The following ARHGAP32 variants were observed in gnomAD, a reference collection of about 807,000 sequenced individuals.
ARHGAP32 encodes the protein Rho GTPase activating protein 32.
ARHGAP32 carries 51 observed loss-of-function variants against 186.5 expected under a neutral mutation model. The observed-to-expected ratio is 0.27, with a 90% confidence interval of 0.22 to 0.35. The LOEUF is 0.35. ARHGAP32 is among the 10% of genes least tolerant of loss of function. ARHGAP32 has a pLI of 1.00. For synonymous variants in ARHGAP32, 950 were observed against 964.3 expected (o/e 0.99, Z 0.27); for missense variants, 2,186 against 2,623.5 (o/e 0.83, Z 3.64).
chr11:129,216,125 T>C (rs539380600), intron 1 of ARHGAP32, among the ~76,000 whole-genome samples: 26 of 152,270 alleles, frequency 1.7e-4, no homozygotes, highest in Non-Finnish European at 2.4e-4. Flanking sequence ...TTCAGACTTC[T>C]GGTCTCCAAA....
intron 10 of ARHGAP32, among the ~76,000 whole-genome samples, chr11:129,060,102 ATTAG>A (rs745431940): frequency 1.3e-4 from 20 of 152,226 alleles, no homozygotes; most frequent in Admixed American, 3.3e-4. Flanking sequence ...TTTGAAAAGA[ATTAG>A]TTTGTTTAGG....
chr11:129,060,837 C>A (rs568575657), intron 10 of ARHGAP32, among the ~76,000 whole-genome samples: 43 of 152,028 alleles, frequency 2.8e-4, no homozygotes, highest in African/African-American at 1.0e-3. Context: ...CAGACCTGGT[C>A]TAATAAGCAT....
At chr11:129,192,626 T>A (rs908836254), upstream of ARHGAP32, among the ~76,000 whole-genome samples, 1 of 152,152 alleles carries the variant, frequency 6.6e-6, no homozygotes, top group Non-Finnish European at 1.5e-5. Context: ...AATAACACCA[T>A]CCACTGGCCA....
Position 128,969,798 on chromosome 11 carries a change from A to G in ARHGAP32, c.5415T>C (p.His1805=). 1 of 1,614,170 alleles carries G rather than the reference A, an allele frequency of 6.2e-7. No individual in the cohort carries two copies. The highest frequency in any genetic ancestry group is 8.5e-7 in the Non-Finnish European group (1 of 1,180,032). ...TCCCAGGATCTGATTTACTACGCAG[A>G]TGGATGACATAGATCCCACCCAAGT... is the stretch of plus-strand genomic sequence containing the variant. ...QDDLGGIYVI[H]LRSKSDPGKT... Residue 1805 remains histidine, a synonymous_variant, in exon 23 of 23, where the codon CAT becomes CAC. Coordinates refer to ENST00000682385, the MANE Select transcript of ARHGAP32 (RefSeq NM_001378024.1). The surrounding 1 kb of genome is among the most constrained non-coding windows in gnomAD (Gnocchi z 4.8).
rs12575448 is a variant in ARHGAP32 at position 129,140,329 on chromosome 11, T to C, written c.226-15435A>G. 8.6e-3 allele frequency among the ~76,000 whole-genome samples: 1,305 copies of C among 152,308 alleles called. 62 individuals carry two copies. The highest frequency in any genetic ancestry group is 0.076 in the Admixed American group (1,160 of 15,298). ...GCCCAGCCAATACTTTGATTTCCGC[T>C]TTAGGAGACCCTGAGCAGAGAACCC... On this transcript the variant is annotated intron_variant, in intron 2 of 22. Coordinates refer to ENST00000682385, the MANE Select transcript of ARHGAP32 (RefSeq NM_001378024.1).
At chr11:129,207,121 A>T (rs1944524406) in intron 1 of ARHGAP32, among the ~76,000 whole-genome samples, 1 of 152,100 alleles carries the variant, frequency 6.6e-6, no homozygotes, top group Admixed American at 6.6e-5. Flanking sequence ...TCCATGGTGT[A>T]TATGTGCCAC....
At chr11:129,031,237 A>G (rs765080443) in intron 11 of ARHGAP32, among the ~76,000 whole-genome samples, 1 of 152,348 alleles carries the variant, frequency 6.6e-6, no homozygotes, top group Middle Eastern at 3.4e-3. Flanking sequence ...CATGAATTTA[A>G]ATAACATAGT....
chr11:129,241,792 A>G (rs1945021142), intron 1 of ARHGAP32, among the ~76,000 whole-genome samples: 1 of 152,240 alleles, frequency 6.6e-6, no homozygotes, highest in African/African-American at 2.4e-5. Context: ...AATCCCAATG[A>G]CATACTAAAT....
At chr11:129,204,442 G>GTAC (rs1386015138) in intron 1 of ARHGAP32, among the ~76,000 whole-genome samples, 1 of 152,106 alleles carries the variant, frequency 6.6e-6, no homozygotes, top group East Asian at 1.9e-4. Flanking sequence ...AAAAAAAGTT[G>GTAC]TACTAAGTTT....
intron 6 of ARHGAP32, among the ~76,000 whole-genome samples, chr11:129,085,275 C>A (rs1941351943): frequency 6.6e-6 from 1 of 152,158 alleles, no homozygotes; most frequent in South Asian, 2.1e-4. Flanking sequence ...ATTCCTCCTA[C>A]TAATCCTTCC....
chr11:128,968,740 T>C lies in ARHGAP32; in HGVS notation c.*167A>G. ...AGTCTATAGATGGAAGAGGGGGTAA[T>C]GAAGCAGGGAAGGGGAAAAAGATGC... On this transcript the variant is annotated 3_prime_UTR_variant, in exon 23 of 23. Coordinates refer to ENST00000682385, the MANE Select transcript of ARHGAP32 (RefSeq NM_001378024.1). The C allele has an allele frequency of 2.0e-6, 1 of 503,756 alleles. No homozygotes were observed. 31.2% of individuals were successfully genotyped at this position (503,756 alleles called of 1,614,324 possible).
At chr11:129,260,079 A>G (rs1945302783) in intron 1 of ARHGAP32, among the ~76,000 whole-genome samples, 4 of 152,150 alleles carry the variant, frequency 2.6e-5, no homozygotes, top group Non-Finnish European at 5.9e-5. Context: ...TTTTGTCTCC[A>G]TTCCTTCAAT....
At chr11:129,045,172 C>T (rs1312242803) in intron 10 of ARHGAP32, among the ~76,000 whole-genome samples, 1 of 152,182 alleles carries the variant, frequency 6.6e-6, no homozygotes, top group Non-Finnish European at 1.5e-5. Context: ...TTCCCAGACT[C>T]CCTATATTCA....
intron 11 of ARHGAP32, among the ~76,000 whole-genome samples, chr11:129,015,642 C>G (rs915098522): frequency 2.0e-5 from 3 of 152,140 alleles, no homozygotes; most frequent in Non-Finnish European, 2.9e-5. Context: ...ATAAACAATA[C>G]TAACATTTTG....
chr11:129,189,710 G>A (rs937596063), intron 1 of ARHGAP32, among the ~76,000 whole-genome samples: 5 of 152,124 alleles, frequency 3.3e-5, no homozygotes, highest in Non-Finnish European at 7.4e-5. Context: ...AAGGAGACCG[G>A]CAACTTCCCA....
chr11:128,976,989 A>G (rs1481293808), intron 19 of ARHGAP32, among the ~76,000 whole-genome samples: 1 of 152,158 alleles, frequency 6.6e-6, no homozygotes, highest in Non-Finnish European at 1.5e-5. Flanking sequence ...AGTGGGCCCT[A>G]CACCCAATGA....
chr11:129,041,405 T>C (rs950445607), intron 10 of ARHGAP32, among the ~76,000 whole-genome samples: 2 of 151,992 alleles, frequency 1.3e-5, no homozygotes, highest in Non-Finnish European at 2.9e-5. Flanking sequence ...CTTATGTTTA[T>C]TGACTTCTCT....
intron 20 of ARHGAP32, among the ~76,000 whole-genome samples, chr11:128,975,274 T>C (rs919118847): frequency 1.3e-5 from 2 of 152,218 alleles, no homozygotes; most frequent in Non-Finnish European, 2.9e-5. Flanking sequence ...TCAGAATGCT[T>C]GGATTCTATT....
chr11:129,074,413 G>A (rs1359260461), intron 6 of ARHGAP32, among the ~76,000 whole-genome samples: 1 of 152,132 alleles, frequency 6.6e-6, no homozygotes, highest in Non-Finnish European at 1.5e-5. Context: ...CACAATCCAT[G>A]ACGCAGTATA....
Sources: gnomAD v4.1 joint callset for allele counts (sites outside exome capture counted in the v4.1 genomes callset) on GRCh38, gnomAD v4.1.1 for gene constraint, Gnocchi (gnomAD v3.1) non-coding constraint, MANE v1.5 for transcripts, NCBI Gene and HGNC (gene_info 2026-07-23, HGNC 2026-07-21) for gene names.